Variants in FRMD5 observed in about 807,000 individuals in gnomAD.
The protein encoded by FRMD5 is FERM domain-containing protein 5.
In FRMD5, 20 loss-of-function variants were observed where a neutral mutation model predicts 69.0. That is an observed-to-expected ratio of 0.29 (90% CI 0.20 to 0.42). The LOEUF is 0.42. FRMD5 is among the 10% of genes least tolerant of loss of function. FRMD5 has a pLI of 1.00. For missense variants in FRMD5, 595 were observed against 708.6 expected (o/e 0.84, Z 1.82); for synonymous variants, 271 against 260.1 (o/e 1.04, Z -0.40).
At chr15:43,920,103 C>T (rs554713317) in intron 2 of FRMD5, among the ~76,000 whole-genome samples, 2 of 152,236 alleles carry the variant, frequency 1.3e-5, no homozygotes, top group East Asian at 1.9e-4. Flanking sequence ...TTTTGGCATG[C>T]GATTAAGGCA....
intron 5 of FRMD5, 96 bp downstream of exon 5, chr15:43,909,786 A>T: frequency 2.8e-6 from 2 of 711,978 alleles, no homozygotes; most frequent in South Asian, 3.6e-5. Flanking sequence ...GGCCTAGATA[A>T]TGTTTAGATT....
intron 1 of FRMD5, among the ~76,000 whole-genome samples, chr15:43,996,288 C>T (rs1449576472): frequency 6.6e-6 from 1 of 152,118 alleles, no homozygotes; most frequent in Non-Finnish European, 1.5e-5. Context: ...AGTCAGGGAC[C>T]ATGGGGCCTA....
chr15:44,090,182 A>T (rs1236605813), intron 1 of FRMD5, among the ~76,000 whole-genome samples: 2 of 152,184 alleles, frequency 1.3e-5, no homozygotes, highest in Non-Finnish European at 2.9e-5. Context: ...CCAGGGTACA[A>T]TTTTAGATCC....
At chr15:44,055,829 G>T (rs543016976) in intron 1 of FRMD5, among the ~76,000 whole-genome samples, 1 of 152,132 alleles carries the variant, frequency 6.6e-6, no homozygotes, top group African/African-American at 2.4e-5. Flanking sequence ...ACATTAACTG[G>T]ATTAAACTAA....
At chr15:44,191,271 T>C (rs956379518) in intron 1 of FRMD5, among the ~76,000 whole-genome samples, 1 of 152,190 alleles carries the variant, frequency 6.6e-6, no homozygotes, top group African/African-American at 2.4e-5. Flanking sequence ...ATTTATAAAC[T>C]ATTATAAGCT....
At position 44,151,302 on chromosome 15, in the gene FRMD5, C is replaced by T. The variant is rs572858464; in HGVS notation, c.102+43651G>A. 7.0e-4 allele frequency among the ~76,000 whole-genome samples: 105 copies of T among 150,366 alleles called. 1 individual carries two copies. The highest frequency in any genetic ancestry group is 1.4e-3 in the Non-Finnish European group (92 of 67,824). ...GTCCCAGCTACTTGGGAGGCTGAGGCAGGAGAATGGTGTGAACCCAGGAGG... is the reference window on the plus strand; with the variant it reads ...GTCCCAGCTACTTGGGAGGCTGAGGTAGGAGAATGGTGTGAACCCAGGAGG... On this transcript the variant is annotated intron_variant, in intron 1 of 13. Transcript: ENST00000417257.
intron 1 of FRMD5, among the ~76,000 whole-genome samples, chr15:43,996,575 T>C (rs559256483): frequency 1.3e-5 from 2 of 152,284 alleles, no homozygotes; most frequent in Admixed American, 1.3e-4. Context: ...TACATTGATA[T>C]TTCTGTGAGG....
intron 1 of FRMD5, among the ~76,000 whole-genome samples, chr15:43,974,517 C>T (rs915273570): frequency 6.6e-6 from 1 of 152,082 alleles, no homozygotes; most frequent in Non-Finnish European, 1.5e-5. Context: ...CCTTTTCTTT[C>T]TTTGAGAAAG....
chr15:43,982,022 G>GTT (rs2140624947), intron 1 of FRMD5, among the ~76,000 whole-genome samples: 1 of 152,334 alleles, frequency 6.6e-6, no homozygotes, highest in African/African-American at 2.4e-5. Context: ...ATTACTTGGA[G>GTT]CTTGATGGCT....
chr15:44,027,889 C>T (rs1027017752), intron 1 of FRMD5, among the ~76,000 whole-genome samples: 3 of 151,966 alleles, frequency 2.0e-5, no homozygotes, highest in African/African-American at 7.3e-5. Context: ...CATGATCTGC[C>T]CTCCTCGGCC....
intron 1 of FRMD5, chr15:43,989,081 T>C (rs1383715329): frequency 1.9e-5 from 18 of 926,390 alleles, no homozygotes; most frequent in African/African-American, 3.3e-5. Flanking sequence ...CTGCGGTGGA[T>C]GATGGAGGTG....
At chr15:43,894,419 C>G (rs1328515543) in intron 7 of FRMD5, among the ~76,000 whole-genome samples, 3 of 151,980 alleles carry the variant, frequency 2.0e-5, no homozygotes, top group Non-Finnish European at 4.4e-5. Flanking sequence ...AAATGTTGAG[C>G]AGATGAAGGT....
chr15:43,921,705 G>A (rs1273537380), intron 2 of FRMD5, among the ~76,000 whole-genome samples: 3 of 152,108 alleles, frequency 2.0e-5, no homozygotes, highest in African/African-American at 4.8e-5. Flanking sequence ...AGAGAGGAGG[G>A]TTTCCTCCCC....
intron 1 of FRMD5, among the ~76,000 whole-genome samples, chr15:44,019,178 G>A (rs574296367): frequency 6.6e-6 from 1 of 152,240 alleles, no homozygotes; most frequent in South Asian, 2.1e-4. Flanking sequence ...ACAGATGTGA[G>A]CCATCATGCC....
intron 13 of FRMD5, among the ~76,000 whole-genome samples, chr15:43,878,932 C>CTTTTTTT (rs71421808): frequency 5.3e-5 from 6 of 112,900 alleles, no homozygotes; most frequent in Non-Finnish European, 8.9e-5. Flanking sequence ...TTTTTCTTTT[C>CTTTTTTT]TTTTTTTTTT....
chr15:43,934,269 G>C (rs888126847), intron 1 of FRMD5, among the ~76,000 whole-genome samples: 4 of 152,220 alleles, frequency 2.6e-5, no homozygotes, highest in African/African-American at 9.7e-5. Flanking sequence ...AGCGATGGGA[G>C]TAAGAAAAGG....
intron 8 of FRMD5, among the ~76,000 whole-genome samples, chr15:43,891,453 C>G (rs1337767706): frequency 6.6e-6 from 1 of 152,194 alleles, no homozygotes; most frequent in Non-Finnish European, 1.5e-5. Flanking sequence ...ACAGCAGCAA[C>G]TGAGCTTTTG....
chr15:44,106,700 T>C (rs1029806175), intron 1 of FRMD5, among the ~76,000 whole-genome samples: 3 of 152,100 alleles, frequency 2.0e-5, no homozygotes, highest in African/African-American at 7.2e-5. Context: ...ACTTACTGAC[T>C]CCAACTGTAC....
chr15:44,085,566 A>C (rs1305812191), intron 1 of FRMD5, among the ~76,000 whole-genome samples: 1 of 152,210 alleles, frequency 6.6e-6, no homozygotes, highest in Non-Finnish European at 1.5e-5. Flanking sequence ...GGTCTTGATA[A>C]GGAGCCACAT....
Sources: gnomAD v4.1 joint callset for allele counts (sites outside exome capture counted in the v4.1 genomes callset) on GRCh38, gnomAD v4.1.1 for gene constraint, MANE v1.5 for transcripts, NCBI Gene and HGNC (gene_info 2026-07-23, HGNC 2026-07-21) for gene names.